RNF150: variants seen among roughly 807,000 people sequenced by gnomAD.
RNF150 encodes ring finger protein 150.
A neutral mutation model predicts 39.3 loss-of-function variants in RNF150; 24 were observed. The ratio of observed to expected loss-of-function variants is 0.61; its 90% CI spans 0.44 to 0.86. The LOEUF is 0.86. Ranked by LOEUF, RNF150 falls within the 40% of genes least tolerant of loss-of-function variation. The probability of loss-of-function intolerance (pLI) is 0.00; values close to 1 mark genes in which losing one functional copy is unlikely to be tolerated. For synonymous variants in RNF150, 255 were observed against 227.3 expected, an observed-to-expected ratio of 1.12 and a Z score of -1.10; for missense variants, 502 against 587.8, an observed-to-expected ratio of 0.85 and a Z score of 1.51.
rs1734063906 is a variant in RNF150 at position 140,987,856 on chromosome 4, T to G, written c.485-19983A>C. ...AATGGGAGAAAATATTCACAAACTA[T>G]GCATCCAACAAAGGCCTAATATCCA... On this transcript the variant is annotated intron_variant, in intron 1 of 6. Transcript: ENST00000515673. Among the ~76,000 whole-genome samples the G allele has an allele frequency of 5.3e-5, 8 of 152,138 alleles. No homozygotes were observed. The South Asian group carries it at 1.7e-3, about 32-fold the overall frequency.
intron 1 of RNF150, among the ~76,000 whole-genome samples, chr4:141,202,653 C>T (rs1728308861): frequency 6.6e-6 from 1 of 151,830 alleles, no homozygotes; most frequent in African/African-American, 2.4e-5. Flanking sequence ...CTTTCAAAAC[C>T]AGTTTGTGAG....
At chr4:140,958,749 C>T (rs1732886543) in intron 2 of RNF150, among the ~76,000 whole-genome samples, 1 of 152,104 alleles carries the variant, frequency 6.6e-6, no homozygotes, top group African/African-American at 2.4e-5. Context: ...TAGAAGTCCA[C>T]ACACTGGTGG....
In RNF150 at chr4:140,959,998, A is replaced by G. The variant is rs528676270; in HGVS notation, c.735+7625T>C. On this transcript the variant is annotated intron_variant, in intron 2 of 6. Coordinates refer to ENST00000515673, the MANE Select transcript of RNF150 (RefSeq NM_020724.2). ...GATGATCCCCCACATTGGTACCCCC[A>G]TTCCTGTCTTCTTTCCTGAGCTCCA... is the stretch of plus-strand genomic sequence containing the variant. Among the ~76,000 whole-genome samples the G allele has an allele frequency of 3.9e-5, 6 of 152,134 alleles. No homozygotes were observed. The South Asian group carries it at 1.2e-3, about 32-fold the overall frequency.
chr4:141,186,017 T>C (rs1288241290), intron 1 of RNF150, among the ~76,000 whole-genome samples: 3 of 152,184 alleles, frequency 2.0e-5, no homozygotes, highest in African/African-American at 7.2e-5. Flanking sequence ...CTTTGCCAGA[T>C]TTTGATATCA....
At chr4:140,920,751 G>C (rs1249352217) in intron 5 of RNF150, among the ~76,000 whole-genome samples, 1 of 152,030 alleles carries the variant, frequency 6.6e-6, no homozygotes, top group East Asian at 1.9e-4. Context: ...CGTTTATTGC[G>C]GCACTATTCA....
At chr4:141,063,154 CT>C (rs1041780346) in intron 1 of RNF150, among the ~76,000 whole-genome samples, 10 of 152,126 alleles carry the variant, frequency 6.6e-5, no homozygotes, top group African/African-American at 2.2e-4. Context: ...TTTAAAGAAT[CT>C]TTTTAAAGAC....
At chr4:141,083,281 T>A (rs1005063363) in intron 1 of RNF150, among the ~76,000 whole-genome samples, 2 of 152,220 alleles carry the variant, frequency 1.3e-5, no homozygotes, top group Non-Finnish European at 2.9e-5. Flanking sequence ...GATTTTTAGA[T>A]AACCACTTTT....
rs751077021 is a variant in RNF150, at chr4:141,132,733, G to A, written c.76C>T (p.Leu26=). ...GCCACGGTAAAGTCCAGGCAGAGCA[G>A]ATGCACGAAACAAAAGGAAAGCAGC... ...TWLLSFCFVH[L]LCLDFTVAEK... is the part of the protein sequence containing the mutation. The change falls in exon 1 of 7, where the codon CTG becomes TTG. Residue 26 remains leucine (L), a synonymous_variant. Coordinates refer to ENST00000515673, the MANE Select transcript of RNF150 (RefSeq NM_020724.2). This position sits in a 1 kb window ranked among gnomAD's most constrained non-coding sequence, Gnocchi z 4.9. 2 of 1,610,644 alleles carry A rather than the reference G, an allele frequency of 1.2e-6. No homozygotes were observed. The highest frequency in any genetic ancestry group is 1.7e-6 in the Non-Finnish European group (2 of 1,178,754).
chr4:141,084,881 C>A (rs979085453), intron 1 of RNF150, among the ~76,000 whole-genome samples: 4 of 152,150 alleles, frequency 2.6e-5, no homozygotes, highest in African/African-American at 9.7e-5. Context: ...GAGGAGAGGT[C>A]TACAGCCCTC....
intron 1 of RNF150, among the ~76,000 whole-genome samples, chr4:141,174,186 G>A (rs1199819911): frequency 6.6e-6 from 1 of 152,156 alleles, no homozygotes; most frequent in African/African-American, 2.4e-5. Context: ...ACTAAAGGCT[G>A]GGCAAAAAAT....
rs548315732 is a variant in RNF150, at chr4:140,872,893, C to A, written c.1199-4514G>T. 3.3e-5 allele frequency among the ~76,000 whole-genome samples: 5 copies of A among 152,280 alleles called. No individual in the cohort carries two copies. In the South Asian group the frequency reaches 1.0e-3, roughly 32 times the overall value. The stretch of plus-strand genomic sequence containing the variant: ...GGAGTTTAGAGGAGAGGCCATGACT[C>A]TCAATACATTTGGAAGTCTTCAGTA... On this transcript the variant is annotated intron_variant, in intron 6 of 6. Transcript: ENST00000515673.
chr4:140,900,618 C>A (rs1382233608), intron 6 of RNF150, among the ~76,000 whole-genome samples: 1 of 152,164 alleles, frequency 6.6e-6, no homozygotes, highest in Non-Finnish European at 1.5e-5. Flanking sequence ...AGGATACAAT[C>A]TAGAGCTCTC....
At chr4:141,170,766 CAT>C (rs1268530976) in intron 1 of RNF150, among the ~76,000 whole-genome samples, 1 of 152,156 alleles carries the variant, frequency 6.6e-6, no homozygotes, top group African/African-American at 2.4e-5. Context: ...TAAATCACCT[CAT>C]ATGTCAACTA....
chr4:141,172,611 G>C (rs1355442806), intron 1 of RNF150, among the ~76,000 whole-genome samples: 1 of 152,186 alleles, frequency 6.6e-6, no homozygotes, highest in East Asian at 1.9e-4. Flanking sequence ...GGTGAGCCGT[G>C]TGCCCATGAT....
chr4:140,870,456 A>ATGTGTGTGTGTGTG (rs36234235), intron 6 of RNF150, among the ~76,000 whole-genome samples: 52 of 147,812 alleles, frequency 3.5e-4, no homozygotes, highest in African/African-American at 1.3e-3. Context: ...TTGTGCGTGT[A>ATGTGTGTGTGTGTG]TGTGTGTGTG....
chr4:140,943,207 G>C (rs1377941474), intron 4 of RNF150, among the ~76,000 whole-genome samples: 1 of 152,052 alleles, frequency 6.6e-6, no homozygotes, highest in Non-Finnish European at 1.5e-5. Flanking sequence ...AGTATCGAAG[G>C]CCAAAGGAAA....
Position 140,860,946 on chromosome 4 carries a change from A to T in RNF150, c.*7315T>A, listed in dbSNP as rs1295006453. 1 of 150,956 alleles carries T rather than the reference A, an allele frequency of 6.6e-6. No individual in the cohort carries two copies. Among genetic ancestry groups the T allele is most frequent in the East Asian group, 1.9e-4 (1 of 5,144 alleles). The allele number at this position is 150,956 out of a possible 1,614,324, so 9.4% of individuals were successfully genotyped here. On this transcript the variant is annotated 3_prime_UTR_variant, in exon 7 of 7. Transcript: ENST00000515673. ...ATGAACATTTTAAAGAACAATACCCATTTTTTTTTCCAGAAAATGGATGGA... is the reference window on the plus strand; with the variant it reads ...ATGAACATTTTAAAGAACAATACCCTTTTTTTTTTCCAGAAAATGGATGGA...
At chr4:141,003,155 A>T (rs1407906312) in intron 1 of RNF150, among the ~76,000 whole-genome samples, 3 of 152,166 alleles carry the variant, frequency 2.0e-5, no homozygotes, top group Non-Finnish European at 2.9e-5. Context: ...CAGGAGAGGT[A>T]AAAATAATGA....
intron 1 of RNF150, among the ~76,000 whole-genome samples, chr4:141,156,242 C>T (rs1727395890): frequency 6.6e-6 from 1 of 152,118 alleles, no homozygotes; most frequent in African/African-American, 2.4e-5. Flanking sequence ...TTTCTCATGT[C>T]TAAATTCTAT....
Sources: allele counts gnomAD v4.1 joint callset (sites outside exome capture counted in the v4.1 genomes callset), GRCh38; gene constraint gnomAD v4.1.1; non-coding constraint Gnocchi (gnomAD v3.1); transcripts MANE v1.5; gene names NCBI Gene and HGNC (gene_info 2026-07-23, HGNC 2026-07-21).